Variants in PTPRA observed in about 807,000 individuals in gnomAD.
The protein encoded by PTPRA is receptor-type tyrosine-protein phosphatase alpha.
Under a neutral mutation model 104.8 loss-of-function variants are expected in PTPRA, and 25 were observed. The observed-to-expected ratio is 0.24, with a 90% CI of 0.17 to 0.33. The LOEUF (loss-of-function observed/expected upper bound fraction) is 0.33, where lower values mean the gene tolerates loss of function less well. PTPRA is among the 10% of genes least tolerant of loss of function. The pLI, the probability that PTPRA is intolerant of heterozygous loss-of-function variation, is 1.00. For missense variants in PTPRA, 765 were observed against 1,015.3 expected (o/e 0.75, Z 3.35); for synonymous variants, 323 against 368.9 (o/e 0.88, Z 1.43).
In PTPRA at chr20:3,006,877, G is replaced by A. The variant is rs567755715; in HGVS notation, c.830-467G>A. 6.7e-4 allele frequency among the ~76,000 whole-genome samples: 102 copies of A among 152,206 alleles called. 1 individual carries two copies. Among genetic ancestry groups the A allele is most frequent in the African/African-American group, 2.3e-3 (95 of 41,524 alleles). ...AACTCCTGACCTCAAGTGATGCACC[G>A]CCTCTGCCTCCTGAAGTGCTAGGAT... On this transcript the variant is annotated intron_variant, in intron 10 of 23. Coordinates refer to ENST00000399903, the MANE Select transcript of PTPRA (RefSeq NM_001385305.1).
Position 2,976,390 on chromosome 20 carries a change from C to A in PTPRA, c.442+1149C>A, listed in dbSNP as rs6037442. On this transcript the variant is annotated intron_variant, in intron 6 of 23. Transcript: ENST00000399903. ...AGATGAAACATAAGATCTGTTGACT[C>A]CTTCCTCTATTTAGTATATATTTTC... Among the ~76,000 whole-genome samples the A allele has an allele frequency of 8.5e-5, 13 of 152,296 alleles. 1 individual carries two copies. Among genetic ancestry groups the A allele is most frequent in the African/African-American group, 3.1e-4 (13 of 41,560 alleles).
At chr20:2,908,503 T>TA (rs2059507781) in intron 1 of PTPRA, among the ~76,000 whole-genome samples, 2 of 152,298 alleles carry the variant, frequency 1.3e-5, no homozygotes, top group South Asian at 4.1e-4. Context: ...GATCCACAGA[T>TA]ACCAAGGGAT....
chr20:2,973,972 G>C (rs1422132726), intron 5 of PTPRA, among the ~76,000 whole-genome samples: 2 of 138,956 alleles, frequency 1.4e-5, no homozygotes, highest in Non-Finnish European at 3.1e-5. Context: ...TTTTTTTTGA[G>C]ATGGAGTCTC....
upstream of PTPRA, among the ~76,000 whole-genome samples, chr20:2,872,922 T>G (rs902560464): frequency 1.3e-5 from 2 of 152,112 alleles, no homozygotes; most frequent in African/African-American, 4.8e-5. The surrounding 1 kb of genome is among the most constrained non-coding windows in gnomAD (Gnocchi z 7.9). Flanking sequence ...GCGGGGGAGA[T>G]TACCCTGGAG....
chr20:2,923,261 G>A lies in PTPRA; in HGVS notation c.-74G>A, dbSNP rs991372168. ...TTATGGAATTCCACTGAGTGGTAAT[G>A]GATGATGCAGTTCAAATAACTAAGG... On this transcript the variant is annotated 5_prime_UTR_variant, in exon 2 of 24. An upstream start codon of the reference 5' UTR is lost. Transcript: ENST00000399903. The A allele has an allele frequency of 3.9e-6, 5 of 1,285,458 alleles. No homozygotes were observed. In the African/African-American group the frequency reaches 7.6e-5, roughly 20 times the overall value. 79.6% of individuals were successfully genotyped at this position (1,285,458 alleles called of 1,614,324 possible). A position where few individuals can be genotyped will look rare whatever the true frequency, so the allele number is the denominator to read the frequency against.
At chr20:3,018,062 C>T (rs1200580896) in intron 13 of PTPRA, 149 bp downstream of exon 13, 6 of 681,906 alleles carry the variant, frequency 8.8e-6, no homozygotes, top group East Asian at 2.7e-5. Context: ...TTGCTATGGC[C>T]TGGAAGCCCC....
chr20:2,895,206 G>A (rs767439443), intron 1 of PTPRA, among the ~76,000 whole-genome samples: 31 of 151,794 alleles, frequency 2.0e-4, no homozygotes, highest in Non-Finnish European at 3.5e-4. Context: ...CTCCTGAGTA[G>A]TTGGGACTAC....
At chr20:2,879,338 G>A (rs1051345078) in intron 1 of PTPRA, among the ~76,000 whole-genome samples, 3 of 152,186 alleles carry the variant, frequency 2.0e-5, no homozygotes, top group Non-Finnish European at 4.4e-5. Context: ...TTTGGGGTGG[G>A]ACTTGGGATT....
In PTPRA at chr20:3,037,977, C is replaced by CA; in HGVS notation, c.2335-75dup. 9 of 1,228,812 alleles carry CA rather than the reference C, an allele frequency of 7.3e-6. No individual in the cohort carries two copies. Among genetic ancestry groups the CA allele is most frequent in the Non-Finnish European group, 1.1e-5 (9 of 847,878 alleles). The allele number at this position is 1,228,812 out of a possible 1,614,324, so 76.1% of individuals were successfully genotyped here. On this transcript the variant is annotated intron_variant, in intron 23 of 23. Transcript: ENST00000399903. The surrounding 1 kb of genome is among the most constrained non-coding windows in gnomAD (Gnocchi z 4.3). ...GTTCCTCTTGATTTTCCATCTTCAA[C>CA]AAAAAAATGAGTCTGTTAGGAATTA...
intron 22 of PTPRA, 98 bp downstream of exon 22, chr20:3,036,039 G>T: frequency 6.4e-7 from 1 of 1,571,806 alleles, no homozygotes; most frequent in East Asian, 2.2e-5. Context: ...AGCCATACAA[G>T]AGCAAGATAT....
intron 20 of PTPRA, among the ~76,000 whole-genome samples, chr20:3,034,716 T>C (rs1464615409): frequency 1.3e-5 from 2 of 152,198 alleles, no homozygotes; most frequent in African/African-American, 4.8e-5. Flanking sequence ...TGTGAGACTA[T>C]TCACAATTTC....
At chr20:2,927,042 C>T (rs1490973281) in intron 2 of PTPRA, among the ~76,000 whole-genome samples, 3 of 151,960 alleles carry the variant, frequency 2.0e-5, no homozygotes, top group East Asian at 1.9e-4. Context: ...CCGCCCGCCT[C>T]GGCCTCCCAA....
chr20:2,930,639 G>A (rs773444840), intron 2 of PTPRA, among the ~76,000 whole-genome samples: 14 of 152,114 alleles, frequency 9.2e-5, no homozygotes, highest in Non-Finnish European at 1.9e-4. Flanking sequence ...GATTGTAAAT[G>A]ATCACTCAAA....
chr20:2,917,660 T>C (rs1438648216), intron 1 of PTPRA, among the ~76,000 whole-genome samples: 1 of 152,160 alleles, frequency 6.6e-6, no homozygotes, highest in Non-Finnish European at 1.5e-5. Context: ...ATTTTCTAGA[T>C]TGCTGTTTTA....
the PTPRA span, chr20:2,866,765 A>C: frequency 3.6e-6 from 3 of 823,680 alleles, no homozygotes; most frequent in Non-Finnish European, 5.5e-6. Flanking sequence ...AGCCTAAGCA[A>C]AGGCAAGCTC....
At chr20:2,986,696 C>T in intron 6 of PTPRA, 69 bp from the exon 7 acceptor site, 1 of 1,353,946 alleles carries the variant, frequency 7.4e-7, no homozygotes. Flanking sequence ...AGGGTGTTGC[C>T]CTGAATGGCT....
At chr20:2,889,243 A>G (rs1170619899) in intron 1 of PTPRA, among the ~76,000 whole-genome samples, 2 of 152,332 alleles carry the variant, frequency 1.3e-5, no homozygotes, top group Non-Finnish European at 2.9e-5. Context: ...GTATAGAAAT[A>G]AGAATAGTAA....
intron 20 of PTPRA, among the ~76,000 whole-genome samples, chr20:3,031,733 C>T (rs2065463731): frequency 6.6e-6 from 1 of 151,010 alleles, no homozygotes; most frequent in Non-Finnish European, 1.5e-5. Flanking sequence ...ACTTTCTCAA[C>T]ATCAGTCACA....
At chr20:3,010,341 G>A (rs1450907444) in intron 11 of PTPRA, among the ~76,000 whole-genome samples, 1 of 151,466 alleles carries the variant, frequency 6.6e-6, no homozygotes, top group African/African-American at 2.4e-5. Flanking sequence ...CATAAACACA[G>A]CATCCAGCCG....
Sources: gnomAD v4.1 joint callset for allele counts (sites outside exome capture counted in the v4.1 genomes callset) on GRCh38, gnomAD v4.1.1 for gene constraint, Gnocchi (gnomAD v3.1) non-coding constraint, MANE v1.5 for transcripts, NCBI Gene and HGNC (gene_info 2026-07-23, HGNC 2026-07-21) for gene names.